The following GOPC variants were observed in gnomAD, a reference collection of about 807,000 sequenced individuals.
The protein encoded by GOPC is golgi associated PDZ and coiled-coil motif containing, also known as Golgi-associated PDZ and coiled-coil motif-containing protein.
Under a neutral mutation model 51.2 loss-of-function variants are expected in GOPC, and 32 were observed. The ratio of observed to expected loss-of-function variants is 0.63; its 90% confidence interval spans 0.47 to 0.84. GOPC has a LOEUF of 0.84. GOPC is among the 40% of genes least tolerant of loss of function. The pLI, the probability that GOPC is intolerant of heterozygous loss-of-function variation, is 0.00. For missense variants in GOPC, 441 were observed against 555.5 expected, an observed-to-expected ratio of 0.79 and a Z score of 2.07; for synonymous variants, 190 against 205.1, an observed-to-expected ratio of 0.93 and a Z score of 0.63.
At position 117,560,381 on chromosome 6, in the gene GOPC, GATATA is replaced by G. The variant is rs1779560416; in HGVS notation, c.*2868_*2872del. 5.4e-6 allele frequency: 1 copy of G among 184,152 alleles called. No individual in the cohort carries two copies. Among genetic ancestry groups the G allele is most frequent in the Non-Finnish European group, 1.2e-5 (1 of 86,582 alleles). The allele number at this position is 184,152 out of a possible 1,614,324, so 11.4% of individuals were successfully genotyped here. ...AATAAAAAAATATTAAACTCAACTA[GATATA>G]ATACATTATCATAAATGCAATAGAT... On this transcript the variant is annotated 3_prime_UTR_variant, in exon 9 of 9. Transcript: ENST00000368498.
intron 1 of GOPC, among the ~76,000 whole-genome samples, chr6:117,580,866 T>C (rs748165577): frequency 2.0e-5 from 3 of 152,144 alleles, no homozygotes; most frequent in South Asian, 2.1e-4. Context: ...GATTTTACAA[T>C]GCTGAAAAGA....
intron 7 of GOPC, among the ~76,000 whole-genome samples, chr6:117,567,750 C>G (rs1311058007): frequency 6.6e-6 from 1 of 151,956 alleles, no homozygotes; most frequent in Non-Finnish European, 1.5e-5. Context: ...GTGAGTCCTG[C>G]AGAAAGCAGA....
intron 5 of GOPC, among the ~76,000 whole-genome samples, chr6:117,572,509 A>G (rs1165175691): frequency 6.6e-6 from 1 of 152,206 alleles, no homozygotes; most frequent in African/African-American, 2.4e-5. Flanking sequence ...TAAAACTTCC[A>G]TGATTATCAG....
In GOPC at chr6:117,580,816, A is replaced by G. The variant is rs150806734; in HGVS notation, c.286-1752T>C. ...CAACGTCCTATTTGTAGCTTATCAAATGACATGTTATCATGGTAACTTTGT... is the reference window on the plus strand; with the variant it reads ...CAACGTCCTATTTGTAGCTTATCAAGTGACATGTTATCATGGTAACTTTGT... On this transcript the variant is annotated intron_variant, in intron 1 of 8. Coordinates refer to ENST00000368498, the MANE Select transcript of GOPC (RefSeq NM_020399.4). 3.2e-3 allele frequency among the ~76,000 whole-genome samples: 482 copies of G among 152,284 alleles called. 4 individuals carry two copies. The highest frequency in any genetic ancestry group is 0.011 in the African/African-American group (465 of 41,570).
At chr6:117,586,475 C>CTTTTTTTTT (rs869148559) in intron 1 of GOPC, among the ~76,000 whole-genome samples, 6 of 91,930 alleles carry the variant, frequency 6.5e-5, no homozygotes, top group Non-Finnish European at 1.1e-4. Context: ...CACAGAGATT[C>CTTTTTTTTT]TTTTTTTTTT....
chr6:117,569,554 T>C lies in GOPC; in HGVS notation c.1077+18A>G. ...ACCAATTGATAGATCCAGTTCTAAT[T>C]ACATGAAGGGAATTTACCTGCTGAG... On this transcript the variant is annotated intron_variant, in intron 7 of 8. Transcript: ENST00000368498. 6.2e-7 allele frequency: 1 copy of C among 1,611,086 alleles called. No homozygotes were observed.
At chr6:117,577,754 G>A (rs1248339991) in intron 2 of GOPC, among the ~76,000 whole-genome samples, 1 of 152,032 alleles carries the variant, frequency 6.6e-6, no homozygotes, top group Non-Finnish European at 1.5e-5. Context: ...CTTTTCTAGA[G>A]AAAATTTAGA....
intron 1 of GOPC, 91 bp downstream of exon 1, chr6:117,601,913 C>G: frequency 7.1e-7 from 1 of 1,413,212 alleles, no homozygotes; most frequent in Non-Finnish European, 9.6e-7. Context: ...GGGCAGTTTT[C>G]TAGGGTCGTT....
rs763590299 is a variant in GOPC, at chr6:117,578,887, C to T, written c.450+13G>A. The stretch of plus-strand genomic sequence containing the variant: ...AATACATGCAAGGGCATGTCACTCT[C>T]TAAACTACTTACCAATTTTGCCTTA... On this transcript the variant is annotated intron_variant, in intron 2 of 8. Transcript: ENST00000368498. 6 of 1,569,412 alleles carry T rather than the reference C, an allele frequency of 3.8e-6. No homozygotes were observed. The African/African-American group carries it at 6.8e-5, about 18-fold the overall frequency.
At chr6:117,584,637 C>T (rs930223183) in intron 1 of GOPC, among the ~76,000 whole-genome samples, 3 of 152,040 alleles carry the variant, frequency 2.0e-5, no homozygotes, top group Non-Finnish European at 2.9e-5. Context: ...GCTCTCCTAA[C>T]CCTGTCCTTT....
chr6:117,582,908 G>A (rs1779981061), intron 1 of GOPC, among the ~76,000 whole-genome samples: 2 of 151,882 alleles, frequency 1.3e-5, no homozygotes, highest in South Asian at 2.1e-4. Context: ...TGCCCTTACT[G>A]GTGGAGGGCA....
Position 117,567,555 on chromosome 6 carries a change from G to C in GOPC, c.1078-521C>G, listed in dbSNP as rs1220909143. Among the ~76,000 whole-genome samples, 3 of 151,818 alleles carry C rather than the reference G, an allele frequency of 2.0e-5. No homozygotes were observed. The South Asian group carries it at 6.2e-4, about 31-fold the overall frequency. ...AGAAACTCCTACAAAATGATTTTTT[G>C]TTTCTTATTCAATAGGTCTTGAGTA... On this transcript the variant is annotated intron_variant, in intron 7 of 8. Coordinates refer to ENST00000368498, the MANE Select transcript of GOPC (RefSeq NM_020399.4).
rs1222060402 is a variant in GOPC at position 117,573,315 on chromosome 6, G to GA, written c.816+151dup. The GA allele has an allele frequency of 1.4e-5, 12 of 870,098 alleles. No homozygotes were observed. The Admixed American group carries it at 2.3e-4, about 17-fold the overall frequency. The allele number at this position is 870,098 out of a possible 1,614,324, so 53.9% of individuals were successfully genotyped here. Reference sequence around the variant, plus strand: ...AGCTACTAAAATTTCTATGGGTGTTGAAACTTCATCTACTTTGAATAAGTT... The same window carrying GA: ...AGCTACTAAAATTTCTATGGGTGTTGAAAACTTCATCTACTTTGAATAAGTT... On this transcript the variant is annotated intron_variant, in intron 5 of 8. Transcript: ENST00000368498.
At chr6:117,583,503 T>G (rs985093778) in intron 1 of GOPC, among the ~76,000 whole-genome samples, 1 of 152,232 alleles carries the variant, frequency 6.6e-6, no homozygotes, top group Non-Finnish European at 1.5e-5. Flanking sequence ...GTATCAAGTT[T>G]GCAACTCCTG....
intron 1 of GOPC, among the ~76,000 whole-genome samples, chr6:117,599,305 AAAAC>A (rs1357202865): frequency 6.6e-6 from 1 of 152,238 alleles, no homozygotes; most frequent in Non-Finnish European, 1.5e-5. Flanking sequence ...CCATATAATT[AAAAC>A]AATAGAACAA....
At chr6:117,570,994 T>A in intron 5 of GOPC, 39 bp from the exon 6 acceptor site, 2 of 995,192 alleles carry the variant, frequency 2.0e-6, no homozygotes, top group Non-Finnish European at 3.1e-6. Flanking sequence ...TAGTATCATT[T>A]AAATAGCATA....
intron 1 of GOPC, among the ~76,000 whole-genome samples, chr6:117,583,288 G>A (rs1241642283): frequency 6.6e-6 from 1 of 152,248 alleles, no homozygotes; most frequent in Non-Finnish European, 1.5e-5. Flanking sequence ...TGAGTACCAT[G>A]AAGGTGTCAA....
Position 117,602,358 on chromosome 6 carries a change from G to T in GOPC, c.-70C>A, listed in dbSNP as rs561768792. On this transcript the variant is annotated 5_prime_UTR_variant, in exon 1 of 9. Transcript: ENST00000368498. ...CCCCCGCGCACGAAGGGAACTGCTG[G>T]GACTGAGGGGACCCCCGCGCGCGCG... is the stretch of plus-strand genomic sequence containing the variant. 87 of 1,433,812 alleles carry T rather than the reference G, an allele frequency of 6.1e-5. 1 individual carries two copies. In the East Asian group the frequency reaches 1.7e-3, roughly 28 times the overall value. 88.8% of individuals were successfully genotyped at this position (1,433,812 alleles called of 1,614,324 possible). A position where few individuals can be genotyped will look rare whatever the true frequency, so the allele number is the denominator to read the frequency against.
At chr6:117,592,897 TTCAATTTA>T (rs1470144048) in intron 1 of GOPC, among the ~76,000 whole-genome samples, 2 of 152,306 alleles carry the variant, frequency 1.3e-5, no homozygotes, top group Admixed American at 1.3e-4. Flanking sequence ...TTCCTTAGTC[TTCAATTTA>T]TCTCCTTTTC....
Sources: gnomAD v4.1 joint callset for allele counts (sites outside exome capture counted in the v4.1 genomes callset) on GRCh38, gnomAD v4.1.1 for gene constraint, MANE v1.5 for transcripts, NCBI Gene and HGNC (gene_info 2026-07-23, HGNC 2026-07-21) for gene names.